GLB1: variants seen among roughly 807,000 people sequenced by gnomAD.
GLB1 encodes galactosidase beta 1, also known as beta-galactosidase.
Under a neutral mutation model 74.0 loss-of-function variants are expected in GLB1, and 56 were observed. The observed-to-expected ratio is 0.76, with a 90% CI of 0.61 to 0.94. The LOEUF is 0.94. Ranked by LOEUF, GLB1 falls within the 40% of genes least tolerant of loss-of-function variation. The pLI is 0.00. For synonymous variants in GLB1, 323 were observed against 323.6 expected (o/e 1.00, Z 0.02); for missense variants, 787 against 845.5 (o/e 0.93, Z 0.86).
chr3:32,996,872 G>A lies in GLB1; in HGVS notation c.*173C>T. 8.6e-7 allele frequency: 1 copy of A among 1,166,270 alleles called. No individual in the cohort carries two copies. Among genetic ancestry groups the A allele is most frequent in the Non-Finnish European group, 1.2e-6 (1 of 823,958 alleles). The allele number at this position is 1,166,270 out of a possible 1,614,324, so 72.2% of individuals were successfully genotyped here. ...GTCAGCCCCTCACACATTCCAGGTG[G>A]TCCCTGAAGGTGGGGCTTTGGCACT... is the stretch of plus-strand genomic sequence containing the variant. On this transcript the variant is annotated 3_prime_UTR_variant, in exon 16 of 16. Coordinates refer to ENST00000307363, the MANE Select transcript of GLB1 (RefSeq NM_000404.4).
rs1200255317 is a variant in GLB1 at position 33,009,676 on chromosome 3, T to C, written c.1734+4380A>G. ...TGCTGGGCCATAAAACAAGTCTAAATACATTTAAGAAGACTGTGCAGCCAT... is the reference window on the plus strand; with the variant it reads ...TGCTGGGCCATAAAACAAGTCTAAACACATTTAAGAAGACTGTGCAGCCAT... On this transcript the variant is annotated intron_variant, in intron 15 of 15. Coordinates refer to ENST00000307363, the MANE Select transcript of GLB1 (RefSeq NM_000404.4). Among the ~76,000 whole-genome samples, 7 of 152,142 alleles carry C rather than the reference T, an allele frequency of 4.6e-5. No individual in the cohort carries two copies. In the East Asian group the frequency reaches 1.3e-3, roughly 29 times the overall value.
At chr3:33,092,973 T>C (rs770594946) in intron 1 of GLB1, 23 of 1,614,006 alleles carry the variant, frequency 1.4e-5, no homozygotes, top group Non-Finnish European at 1.9e-5. Flanking sequence ...AAAGAAGGGA[T>C]TCAGGAGATA....
At chr3:33,058,488 G>A (rs1699312692) in intron 5 of GLB1, among the ~76,000 whole-genome samples, 1 of 152,002 alleles carries the variant, frequency 6.6e-6, no homozygotes, top group Admixed American at 6.6e-5. Flanking sequence ...TCCCACCACT[G>A]AGAAATAAGA....
intron 6 of GLB1, among the ~76,000 whole-genome samples, chr3:33,053,869 C>T (rs1235880169): frequency 1.3e-5 from 2 of 151,970 alleles, no homozygotes; most frequent in East Asian, 1.9e-4. Flanking sequence ...AAAAATTAGC[C>T]AGGCATGGTG....
In GLB1 at chr3:33,092,275, G is replaced by A. The variant is rs1038718692; in HGVS notation, c.75+4736C>T. On this transcript the variant is annotated intron_variant, in intron 1 of 15. Transcript: ENST00000307363. The stretch of plus-strand genomic sequence containing the variant: ...GATTTTGCTGATGCCCTCAATAGAG[G>A]TGATCCTGATAGAATCAGAGGAAAA... 5.1e-6 allele frequency: 5 copies of A among 986,336 alleles called. No homozygotes were observed. In the African/African-American group the frequency reaches 8.7e-5, roughly 17 times the overall value. 61.1% of individuals were successfully genotyped at this position (986,336 alleles called of 1,614,324 possible).
In GLB1 at chr3:33,034,719, T is replaced by C. The variant is rs140574252; in HGVS notation, c.1069-10394A>G. 247 of 707,526 alleles carry C rather than the reference T, an allele frequency of 3.5e-4. 2 individuals carry two copies. Among genetic ancestry groups the C allele is most frequent in the South Asian group, 2.0e-3 (148 of 73,918 alleles). The allele number at this position is 707,526 out of a possible 1,614,324, so 43.8% of individuals were successfully genotyped here. A position where few individuals can be genotyped will look rare whatever the true frequency, so the allele number is the denominator to read the frequency against. On this transcript the variant is annotated intron_variant, in intron 10 of 15. Transcript: ENST00000307363. ...AAGGTGACCCTGAGGAAGCAGTTGG[T>C]TGATGGGCAGTGGGTGTGTATCAGT... is the stretch of plus-strand genomic sequence containing the variant.
chr3:32,970,137 G>A, the GLB1 span, among the ~76,000 whole-genome samples: 1 of 152,166 alleles, frequency 6.6e-6, no homozygotes, highest in Non-Finnish European at 1.5e-5. Flanking sequence ...CAACATTTGT[G>A]GCTGAAATAG....
rs535826867 is a variant in GLB1, at chr3:33,044,254, G to A, written c.1068+1866C>T. 1.6e-4 allele frequency among the ~76,000 whole-genome samples: 24 copies of A among 152,048 alleles called. No homozygotes were observed. In the South Asian group the frequency reaches 5.0e-3, roughly 32 times the overall value. On this transcript the variant is annotated intron_variant, in intron 10 of 15. Coordinates refer to ENST00000307363, the MANE Select transcript of GLB1 (RefSeq NM_000404.4). ...ATATTCTCTAACCAGAATGCAAAAA[G>A]ACTAGAAATCAAAAAAACAGGAAAG...
chr3:33,035,347 G>A (rs536909659), intron 10 of GLB1, among the ~76,000 whole-genome samples: 8 of 152,138 alleles, frequency 5.3e-5, no homozygotes, highest in African/African-American at 9.6e-5. Context: ...CAGGAGGACC[G>A]CTTGAGTCCA....
At chr3:33,054,693 C>T (rs908511896) in intron 6 of GLB1, among the ~76,000 whole-genome samples, 1 of 152,228 alleles carries the variant, frequency 6.6e-6, no homozygotes, top group Admixed American at 6.5e-5. Context: ...TGTACATCAG[C>T]CATTCCAAAC....
chr3:33,019,539 T>C (rs1697382311), intron 12 of GLB1, among the ~76,000 whole-genome samples: 1 of 151,774 alleles, frequency 6.6e-6, no homozygotes, highest in Admixed American at 6.6e-5. Flanking sequence ...AGTGGAAAGG[T>C]GACTGGGAGG....
intron 12 of GLB1, 45 bp downstream of exon 12, chr3:33,021,521 T>A (rs1393889217): frequency 1.3e-6 from 2 of 1,597,438 alleles, no homozygotes; most frequent in East Asian, 2.2e-5. Flanking sequence ...GAAAGCACAC[T>A]TTTGCAAGTA....
At chr3:32,969,196 G>A in the GLB1 span, among the ~76,000 whole-genome samples, 1 of 152,218 alleles carries the variant, frequency 6.6e-6, no homozygotes, top group Admixed American at 6.5e-5. Flanking sequence ...CTCAGTAGCA[G>A]AGGTGCAGTC....
intron 1 of GLB1, among the ~76,000 whole-genome samples, chr3:33,076,413 T>C (rs1700107489): frequency 6.6e-6 from 1 of 152,136 alleles, no homozygotes; most frequent in Non-Finnish European, 1.5e-5. Flanking sequence ...CTGAGAGCCA[T>C]GGAGAGCAAC....
chr3:32,992,438 G>A (rs999027310), downstream of GLB1, among the ~76,000 whole-genome samples: 2 of 152,206 alleles, frequency 1.3e-5, no homozygotes, highest in Admixed American at 1.3e-4. Flanking sequence ...TGCTTCTGTG[G>A]TGGAATATGA....
At chr3:32,971,470 A>G in the GLB1 span, among the ~76,000 whole-genome samples, 1 of 152,200 alleles carries the variant, frequency 6.6e-6, no homozygotes, top group African/African-American at 2.4e-5. Flanking sequence ...CAGCTTAGGA[A>G]TTTCCTCATG....
In GLB1 at chr3:33,087,045, A is replaced by T. The variant is rs185120759; in HGVS notation, c.75+9966T>A. Among the ~76,000 whole-genome samples the T allele has an allele frequency of 1.4e-3, 220 of 152,020 alleles. 3 individuals carry two copies. Among genetic ancestry groups the T allele is most frequent in the African/African-American group, 5.0e-3 (209 of 41,494 alleles). ...AAAATTGAGAAACTTAACTAGATTT[A>T]AAAAAAAGAAGATATAAATAAATCA... On this transcript the variant is annotated intron_variant, in intron 1 of 15. Coordinates refer to ENST00000307363, the MANE Select transcript of GLB1 (RefSeq NM_000404.4).
At chr3:33,068,199 A>C in intron 4 of GLB1, 31 bp downstream of exon 4, 4 of 1,613,890 alleles carry the variant, frequency 2.5e-6, no homozygotes, top group Non-Finnish European at 3.4e-6. Context: ...AAGCTTTTAT[A>C]AATCTTCTCA....
At chr3:33,030,141 T>G (rs994918275) in intron 10 of GLB1, 8 of 152,158 alleles carry the variant, frequency 5.3e-5, no homozygotes, top group Non-Finnish European at 1.2e-4. Context: ...GTATAAACAG[T>G]GCTGTTTCAT....
Sources: gnomAD v4.1 joint callset for allele counts (sites outside exome capture counted in the v4.1 genomes callset) on GRCh38, gnomAD v4.1.1 for gene constraint, MANE v1.5 for transcripts, NCBI Gene and HGNC (gene_info 2026-07-23, HGNC 2026-07-21) for gene names.